The following ARSB variants were observed in gnomAD, a reference collection of about 807,000 sequenced individuals.
ARSB encodes arylsulfatase B.
ARSB carries 41 observed loss-of-function variants against 50.9 expected under a neutral mutation model. The ratio of observed to expected loss-of-function variants is 0.81; its 90% CI spans 0.63 to 1.04. The LOEUF is 1.04. Among genes scored for constraint, ARSB ranks in the 50% least tolerant of loss-of-function variants. The pLI, the probability that ARSB is intolerant of heterozygous loss-of-function variation, is 0.00. For missense variants in ARSB, 672 were observed against 693.3 expected (o/e 0.97, Z 0.35); for synonymous variants, 269 against 284.8 (o/e 0.94, Z 0.56).
chr5:78,829,725 A>T (rs1744588490), intron 6 of ARSB, among the ~76,000 whole-genome samples: 1 of 152,220 alleles, frequency 6.6e-6, no homozygotes, highest in Admixed American at 6.5e-5. Flanking sequence ...ATACACAAGC[A>T]CCCTAAAACC....
chr5:78,896,238 G>A (rs948710569), intron 4 of ARSB, among the ~76,000 whole-genome samples: 6 of 152,162 alleles, frequency 3.9e-5, no homozygotes, highest in South Asian at 2.1e-4. Flanking sequence ...CAAGGAGGTC[G>A]CAGCATGATC....
At position 78,885,754 on chromosome 5, in the gene ARSB, TC is replaced by T; in HGVS notation, c.971del (p.Gly324GlufsTer14). On this transcript the variant is annotated frameshift_variant, in exon 5 of 8. Coordinates refer to ENST00000264914, the MANE Select transcript of ARSB (RefSeq NM_000046.5). LOFTEE classifies it high-confidence loss of function. ...CCACAAAGCCCACCCCTCGGACGCC[TC>T]CTTCCCACAGGCTCCATTTTCTTCC... ...LRGRKWSLWE[G>X]GVRGVGFVAS... 6.2e-7 allele frequency: 1 copy of T among 1,613,996 alleles called. No individual in the cohort carries two copies. The highest frequency in any genetic ancestry group is 8.5e-7 in the Non-Finnish European group (1 of 1,179,980).
rs1748801448 is a variant in ARSB at position 78,777,452 on chromosome 5, G to C, written c.*2945C>G. 6.6e-6 allele frequency: 1 copy of C among 152,414 alleles called. No homozygotes were observed. The highest frequency in any genetic ancestry group is 2.4e-5 in the African/African-American group (1 of 41,356). 9.4% of individuals were successfully genotyped at this position (152,414 alleles called of 1,614,324 possible). ...CCCAAATGGAAGCCCCATACATATGGCTGACACATTTTAAAAGATTAATTT... is the reference window on the plus strand; with the variant it reads ...CCCAAATGGAAGCCCCATACATATGCCTGACACATTTTAAAAGATTAATTT... On this transcript the variant is annotated 3_prime_UTR_variant, in exon 8 of 8. Transcript: ENST00000264914.
At chr5:78,900,196 G>A (rs1296350077) in intron 4 of ARSB, among the ~76,000 whole-genome samples, 1 of 152,112 alleles carries the variant, frequency 6.6e-6, no homozygotes, top group African/African-American at 2.4e-5. Flanking sequence ...CCTGTGGAAT[G>A]TACCTCCTAC....
chr5:78,819,576 A>G (rs1460559822), intron 6 of ARSB, among the ~76,000 whole-genome samples: 2 of 152,268 alleles, frequency 1.3e-5, no homozygotes, highest in African/African-American at 4.8e-5. Flanking sequence ...ATCACTCAGC[A>G]CACTTCAAAT....
intron 5 of ARSB, among the ~76,000 whole-genome samples, chr5:78,847,488 G>A (rs1406078509): frequency 1.3e-5 from 2 of 152,088 alleles, no homozygotes; most frequent in Non-Finnish European, 2.9e-5. Flanking sequence ...GAGGCTTTGT[G>A]TGTCTATGTT....
In ARSB at chr5:78,981,113, G is replaced by T. The variant is rs1254927462; in HGVS notation, c.312+3824C>A. Among the ~76,000 whole-genome samples, 4 of 36,294 alleles carry T rather than the reference G, an allele frequency of 1.1e-4. 2 individuals are homozygous for T. The highest frequency in any genetic ancestry group is 1.8e-4 in the Non-Finnish European group (4 of 21,708). The allele number at this position is 36,294 out of a possible 152,430, so 23.8% of individuals were successfully genotyped here. A position where few individuals can be genotyped will look rare whatever the true frequency, so the allele number is the denominator to read the frequency against. On this transcript the variant is annotated intron_variant, in intron 1 of 7. Transcript: ENST00000264914. ...CTACAGGCGCCCGCCACTACGCCCG[G>T]CTAATTTTTTGTATTTTTAGTAGAG...
chr5:78,853,442 C>A (rs900578756), intron 5 of ARSB, among the ~76,000 whole-genome samples: 1 of 152,148 alleles, frequency 6.6e-6, no homozygotes, highest in Non-Finnish European at 1.5e-5. Flanking sequence ...AATACCCGGC[C>A]GTGTGAGGTG....
At chr5:78,823,439 G>T (rs1312559642) in intron 6 of ARSB, among the ~76,000 whole-genome samples, 2 of 152,118 alleles carry the variant, frequency 1.3e-5, no homozygotes, top group Non-Finnish European at 2.9e-5. Context: ...CTCTTTCTGG[G>T]GACTTTTTGG....
chr5:78,901,759 A>G (rs1748818751), intron 4 of ARSB, among the ~76,000 whole-genome samples: 1 of 152,268 alleles, frequency 6.6e-6, no homozygotes, highest in African/African-American at 2.4e-5. Flanking sequence ...TAGATGGTCA[A>G]TAGATACACA....
chr5:78,929,700 G>A (rs958339054), intron 4 of ARSB, among the ~76,000 whole-genome samples: 1 of 151,158 alleles, frequency 6.6e-6, no homozygotes, highest in African/African-American at 2.4e-5. Context: ...GGCTGAGGCA[G>A]GAGAGTCACT....
At position 78,851,678 on chromosome 5, in the gene ARSB, T is replaced by C. The variant is rs150914113; in HGVS notation, c.1143-12252A>G. Among the ~76,000 whole-genome samples, 44 of 152,318 alleles carry C rather than the reference T, an allele frequency of 2.9e-4. 1 individual carries two copies. Among genetic ancestry groups the C allele is most frequent in the East Asian group, 2.1e-3 (11 of 5,182 alleles). On this transcript the variant is annotated intron_variant, in intron 5 of 7. Transcript: ENST00000264914. ...AGTGGGGTGTTAAAGTCTCCTATTA[T>C]TATTGTGTGGGAGTCTAAGTCTCTT...
chr5:78,968,230 CA>C (rs11413324), intron 2 of ARSB, among the ~76,000 whole-genome samples: 7 of 147,722 alleles, frequency 4.7e-5, no homozygotes, highest in African/African-American at 1.2e-4. Context: ...CCACCCCCTT[CA>C]AAAAAAAAGG....
chr5:78,891,662 C>A (rs1748299397), intron 4 of ARSB, among the ~76,000 whole-genome samples: 1 of 152,146 alleles, frequency 6.6e-6, no homozygotes, highest in South Asian at 2.1e-4. Flanking sequence ...AGCCAAGTGA[C>A]CACCAGAGAG....
chr5:78,928,381 T>C (rs1561507212), intron 4 of ARSB, among the ~76,000 whole-genome samples: 1 of 131,778 alleles, frequency 7.6e-6, no homozygotes. Context: ...AGTGGTGCCA[T>C]CTCAGCTCAC....
intron 3 of ARSB, 42 bp from the exon 4 acceptor site, chr5:78,955,544 A>AT: frequency 6.7e-7 from 1 of 1,497,898 alleles, no homozygotes; most frequent in Non-Finnish European, 9.3e-7. Context: ...AGGATATTGA[A>AT]GCATTAAATA....
chr5:78,836,338 C>T (rs1387500983), intron 6 of ARSB, among the ~76,000 whole-genome samples: 8 of 152,222 alleles, frequency 5.3e-5, no homozygotes, highest in Non-Finnish European at 1.0e-4. Context: ...TGTGGTTCTA[C>T]ATCCTTGCAA....
chr5:78,844,371 C>T (rs74326038), intron 5 of ARSB, among the ~76,000 whole-genome samples: 20,801 of 152,022 alleles, frequency 0.14, 1,492 homozygotes, highest in Middle Eastern at 0.19. Flanking sequence ...ATCATTTGCT[C>T]GTATTTTAAT....
chr5:78,782,534 T>C (rs1373358317), intron 6 of ARSB, among the ~76,000 whole-genome samples: 3 of 152,132 alleles, frequency 2.0e-5, no homozygotes, highest in African/African-American at 7.2e-5. Context: ...AAGAACAAAT[T>C]TGGTATACAA....
Sources: allele counts gnomAD v4.1 joint callset (sites outside exome capture counted in the v4.1 genomes callset), GRCh38; gene constraint gnomAD v4.1.1; transcripts MANE v1.5; gene names NCBI Gene and HGNC (gene_info 2026-07-23, HGNC 2026-07-21).